The following VTI1A variants were observed in gnomAD, a reference collection of about 807,000 sequenced individuals.
VTI1A encodes the protein vesicle transport through interaction with t-SNAREs homolog 1A.
A neutral mutation model predicts 34.9 loss-of-function variants in VTI1A; 22 were observed. The ratio of observed to expected loss-of-function variants is 0.63; its 90% confidence interval spans 0.45 to 0.90. The LOEUF (loss-of-function observed/expected upper bound fraction) is 0.90. VTI1A is among the 40% of genes least tolerant of loss of function. The probability of loss-of-function intolerance (pLI) is 0.00; values close to 1 mark genes in which losing one functional copy is unlikely to be tolerated. For missense variants in VTI1A, 268 were observed against 275.6 expected (o/e 0.97, Z 0.20); for synonymous variants, 87 against 97.3 (o/e 0.89, Z 0.62).
chr10:112,657,785 A>G (rs997917380), intron 5 of VTI1A, among the ~76,000 whole-genome samples: 5 of 150,904 alleles, frequency 3.3e-5, no homozygotes, highest in African/African-American at 1.2e-4. Flanking sequence ...AAACTTTTAT[A>G]TATCAAAGAA....
intron 4 of VTI1A, among the ~76,000 whole-genome samples, chr10:112,532,529 C>G (rs761169889): frequency 1.3e-5 from 2 of 152,128 alleles, no homozygotes; most frequent in African/African-American, 4.8e-5. Context: ...ATGTCAAACA[C>G]ACACACACCC....
intron 5 of VTI1A, among the ~76,000 whole-genome samples, chr10:112,563,262 T>A (rs1018101802): frequency 6.6e-6 from 1 of 152,168 alleles, no homozygotes; most frequent in Non-Finnish European, 1.5e-5. Context: ...ATTTTTACGC[T>A]TGAACTACGG....
chr10:112,691,404 G>A (rs1848612582), intron 7 of VTI1A, among the ~76,000 whole-genome samples: 1 of 152,162 alleles, frequency 6.6e-6, no homozygotes, highest in Non-Finnish European at 1.5e-5. Flanking sequence ...CAGTTCTACT[G>A]CCAACTAGCT....
chr10:112,720,426 A>T (rs566793883), intron 7 of VTI1A, among the ~76,000 whole-genome samples: 2 of 152,166 alleles, frequency 1.3e-5, no homozygotes, highest in Admixed American at 6.5e-5. Flanking sequence ...GAACTATCTC[A>T]TGGTGGCTTT....
the VTI1A span, among the ~76,000 whole-genome samples, chr10:112,830,849 A>ATTTTTTT: frequency 1.2e-3 from 40 of 33,450 alleles, no homozygotes; most frequent in South Asian, 1.6e-3. Flanking sequence ...ATATATATAT[A>ATTTTTTT]TTTTTTTTTT....
intron 5 of VTI1A, among the ~76,000 whole-genome samples, chr10:112,590,422 G>A (rs1844346359): frequency 6.6e-6 from 1 of 152,170 alleles, no homozygotes; most frequent in Admixed American, 6.5e-5. Flanking sequence ...GCTGGGCACA[G>A]TGACTTACAC....
chr10:112,715,106 A>G (rs1243539530), intron 7 of VTI1A, among the ~76,000 whole-genome samples: 2 of 152,106 alleles, frequency 1.3e-5, no homozygotes, highest in African/African-American at 2.4e-5. Flanking sequence ...TTTGGGTTCA[A>G]TCATACCTGG....
At chr10:112,548,797 A>G in intron 5 of VTI1A, 2 of 1,497,920 alleles carry the variant, frequency 1.3e-6, no homozygotes, top group South Asian at 2.4e-5. Context: ...GCCAGGAACC[A>G]TACCAACAAT....
intron 3 of VTI1A, among the ~76,000 whole-genome samples, chr10:112,498,936 C>T (rs1489428079): frequency 6.6e-6 from 1 of 152,090 alleles, no homozygotes; most frequent in East Asian, 1.9e-4. Context: ...GAAATGTTTT[C>T]CAGTAGAGTT....
the VTI1A span, among the ~76,000 whole-genome samples, chr10:112,841,248 G>C: frequency 3.3e-5 from 5 of 152,188 alleles, no homozygotes; most frequent in African/African-American, 1.2e-4. Flanking sequence ...GGAAGCAAAG[G>C]TAGTTTCCCA....
At chr10:112,682,128 C>T (rs1246617940) in intron 7 of VTI1A, among the ~76,000 whole-genome samples, 1 of 152,068 alleles carries the variant, frequency 6.6e-6, no homozygotes, top group African/African-American at 2.4e-5. Context: ...AAAAAAAGAA[C>T]ATTTTATTTA....
downstream of VTI1A, among the ~76,000 whole-genome samples, chr10:112,822,652 T>G (rs1853674631): frequency 6.6e-6 from 1 of 152,100 alleles, no homozygotes; most frequent in Non-Finnish European, 1.5e-5. Flanking sequence ...TCAATTTCCA[T>G]CTTCTCTCAT....
intron 7 of VTI1A, among the ~76,000 whole-genome samples, chr10:112,772,917 G>C (rs1305893279): frequency 6.6e-6 from 1 of 152,190 alleles, no homozygotes; most frequent in Non-Finnish European, 1.5e-5. Context: ...GCAGAACAGG[G>C]TGGAGTTTAG....
intron 7 of VTI1A, among the ~76,000 whole-genome samples, chr10:112,801,360 A>G (rs1251394705): frequency 6.6e-6 from 1 of 152,148 alleles, no homozygotes; most frequent in Non-Finnish European, 1.5e-5. Flanking sequence ...AGATTCAATG[A>G]CATCTTGTAT....
rs551120019 is a variant in VTI1A, at chr10:112,638,011, A to T, written c.428-30207A>T. 7.4e-4 allele frequency among the ~76,000 whole-genome samples: 113 copies of T among 152,364 alleles called. 1 individual carries two copies. The highest frequency in any genetic ancestry group is 4.8e-3 in the South Asian group (23 of 4,832). On this transcript the variant is annotated intron_variant, in intron 5 of 7. Coordinates refer to ENST00000393077, the MANE Select transcript of VTI1A (RefSeq NM_145206.4). ...ACCCCTTATAGTCTCTACATATGTG[A>T]ATGAAAGATGGGATTTGTTTGAATT...
At chr10:112,722,406 T>C (rs1020725082) in intron 7 of VTI1A, among the ~76,000 whole-genome samples, 5 of 152,074 alleles carry the variant, frequency 3.3e-5, no homozygotes, top group African/African-American at 7.2e-5. Context: ...AAATACCTAA[T>C]GTAAATGACG....
chr10:112,707,967 A>C (rs2133914020), intron 7 of VTI1A, among the ~76,000 whole-genome samples: 1 of 152,346 alleles, frequency 6.6e-6, no homozygotes, highest in African/African-American at 2.4e-5. Flanking sequence ...GCACTTTATT[A>C]AACATCTAGC....
chr10:112,820,774 A>C, downstream of VTI1A, among the ~76,000 whole-genome samples: 1 of 152,198 alleles, frequency 6.6e-6, no homozygotes, highest in Non-Finnish European at 1.5e-5. Context: ...GCGCAGTAAC[A>C]AGGAGCCAGC....
rs558578254 is a variant in VTI1A, at chr10:112,716,152, C to T, written c.560+47154C>T. ...TGAGGATCCGAGGTGAGGGAAAGGGCCATGAAAAAATTTCTGACGAAGTGT... is the reference window on the plus strand; with the variant it reads ...TGAGGATCCGAGGTGAGGGAAAGGGTCATGAAAAAATTTCTGACGAAGTGT... On this transcript the variant is annotated intron_variant, in intron 7 of 7. Coordinates refer to ENST00000393077, the MANE Select transcript of VTI1A (RefSeq NM_145206.4). Among the ~76,000 whole-genome samples the T allele has an allele frequency of 2.6e-5, 4 of 152,118 alleles. No individual in the cohort carries two copies. The South Asian group carries it at 8.3e-4, about 32-fold the overall frequency.
Sources: gnomAD v4.1 joint callset for allele counts (sites outside exome capture counted in the v4.1 genomes callset) on GRCh38, gnomAD v4.1.1 for gene constraint, MANE v1.5 for transcripts, NCBI Gene and HGNC (gene_info 2026-07-23, HGNC 2026-07-21) for gene names.